The following BACH2 variants were observed in gnomAD, a reference collection of about 807,000 sequenced individuals.
The protein encoded by BACH2 is transcription regulator protein BACH2.
BACH2 carries 5 observed loss-of-function variants against 61.8 expected under a neutral mutation model. The observed-to-expected ratio is 0.08, with a 90% CI of 0.04 to 0.17. BACH2 has a LOEUF of 0.17. Ranked by LOEUF, BACH2 falls within the 10% of genes least tolerant of loss-of-function variation. BACH2 has a pLI of 1.00. For missense variants in BACH2, 824 were observed against 1,091.1 expected (o/e 0.76, Z 3.45); for synonymous variants, 446 against 440.1 (o/e 1.01, Z -0.17).
chr6:90,209,756 T>G (rs1359661802), intron 3 of BACH2, among the ~76,000 whole-genome samples: 1 of 152,308 alleles, frequency 6.6e-6, no homozygotes, highest in South Asian at 2.1e-4. Flanking sequence ...CTAAACTGAT[T>G]ACGGATCCCT....
rs181228346 is a variant in BACH2 at position 89,939,406 on chromosome 6, A to G, written c.1837-1056T>C. 1.3e-3 allele frequency among the ~76,000 whole-genome samples: 191 copies of G among 152,358 alleles called. 1 individual carries two copies. The highest frequency in any genetic ancestry group is 4.4e-3 in the African/African-American group (182 of 41,582). On this transcript the variant is annotated intron_variant, in intron 7 of 8. Transcript: ENST00000257749. ...GGCAACTCCTGAATTCCTGACTCAC[A>G]TTCACATTTCTCATAGAAACTGTAA...
chr6:90,234,088 C>G (rs983970367), intron 3 of BACH2, among the ~76,000 whole-genome samples: 2 of 152,184 alleles, frequency 1.3e-5, no homozygotes, highest in African/African-American at 2.4e-5. Context: ...ATCAGCAACA[C>G]TGAGGCCAGC....
chr6:90,208,325 C>T (rs1363058809), intron 3 of BACH2, among the ~76,000 whole-genome samples: 2 of 152,048 alleles, frequency 1.3e-5, no homozygotes, highest in African/African-American at 2.4e-5. Context: ...GGGCTAATAC[C>T]CAGAATCTAC....
intron 4 of BACH2, among the ~76,000 whole-genome samples, chr6:90,137,090 G>C (rs574304863): frequency 6.6e-6 from 1 of 152,256 alleles, no homozygotes; most frequent in African/African-American, 2.4e-5. Context: ...AGTGAAGCCA[G>C]GAAGAGAACA....
In BACH2 at chr6:89,952,165, G is replaced by A. The variant is rs537234294; in HGVS notation, c.244-303C>T. The A allele has an allele frequency of 2.6e-4, 93 of 362,136 alleles. 1 individual carries two copies. The Middle Eastern group carries it at 5.2e-3, about 20-fold the overall frequency. 22.4% of individuals were successfully genotyped at this position (362,136 alleles called of 1,614,324 possible). On this transcript the variant is annotated intron_variant, in intron 6 of 8. Coordinates refer to ENST00000257749, the MANE Select transcript of BACH2 (RefSeq NM_021813.4). ...ACTAATGAAATATCCTGGCAAAAAT[G>A]CACGGTGACAATGGGGAGCCTATTA... is the stretch of plus-strand genomic sequence containing the variant.
intron 6 of BACH2, among the ~76,000 whole-genome samples, chr6:89,995,511 C>T (rs1776797317): frequency 6.6e-6 from 1 of 152,176 alleles, no homozygotes; most frequent in African/African-American, 2.4e-5. Flanking sequence ...GCCCGGGTTA[C>T]TGTGAAGACA....
intron 4 of BACH2, among the ~76,000 whole-genome samples, chr6:90,127,443 T>A (rs1011776502): frequency 6.6e-6 from 1 of 152,090 alleles, no homozygotes; most frequent in African/African-American, 2.4e-5. Flanking sequence ...GGGTGGGAAG[T>A]GGGGTAGAGC....
At chr6:89,972,284 G>A (rs908979273) in intron 6 of BACH2, among the ~76,000 whole-genome samples, 4 of 152,166 alleles carry the variant, frequency 2.6e-5, no homozygotes, top group African/African-American at 7.2e-5. Flanking sequence ...CCAGACGGGC[G>A]GCAAGCCAGT....
At chr6:89,992,500 C>A (rs189641216) in intron 6 of BACH2, among the ~76,000 whole-genome samples, 37 of 152,124 alleles carry the variant, frequency 2.4e-4, no homozygotes, top group African/African-American at 8.9e-4. Context: ...ATTAGCTGGG[C>A]GTGGTGGCAC....
At chr6:90,239,153 T>C (rs1023898263) in intron 3 of BACH2, among the ~76,000 whole-genome samples, 1 of 152,170 alleles carries the variant, frequency 6.6e-6, no homozygotes, top group Non-Finnish European at 1.5e-5. Flanking sequence ...CAACCCCATA[T>C]GTATGTGGTG....
At chr6:90,014,458 ATATATATATATTTTTT>A (rs1428999653) in intron 5 of BACH2, among the ~76,000 whole-genome samples, 45 of 67,580 alleles carry the variant, frequency 6.7e-4, no homozygotes, top group East Asian at 6.4e-3. Context: ...ATATATATAT[ATATATATATATTTTTT>A]TTTTTTTTTT....
At chr6:90,212,481 C>T (rs185794993) in intron 3 of BACH2, among the ~76,000 whole-genome samples, 7 of 152,276 alleles carry the variant, frequency 4.6e-5, no homozygotes, top group Admixed American at 3.9e-4. Context: ...AGTGTCCTCG[C>T]CACCCCACAT....
chr6:90,076,559 T>C (rs1256742072), intron 5 of BACH2, among the ~76,000 whole-genome samples: 1 of 152,192 alleles, frequency 6.6e-6, no homozygotes, highest in African/African-American at 2.4e-5. Flanking sequence ...CTGAAGCTAG[T>C]TGTACTGTAA....
intron 4 of BACH2, among the ~76,000 whole-genome samples, chr6:90,091,215 T>G (rs903608122): frequency 7.9e-5 from 12 of 152,210 alleles, no homozygotes; most frequent in African/African-American, 2.9e-4. Context: ...CACTCTTTGG[T>G]CAGTACCATC....
At position 89,926,654 on chromosome 6, in the gene BACH2, A is replaced by G. The variant is rs1772375717; in HGVS notation, c.*5754T>C. The stretch of plus-strand genomic sequence containing the variant: ...TTTGCACAATAGTGTATTTACAATG[A>G]GTAAATGAAGTTTCAATTCATTAGT... On this transcript the variant is annotated 3_prime_UTR_variant, in exon 9 of 9. Coordinates refer to ENST00000257749, the MANE Select transcript of BACH2 (RefSeq NM_021813.4). 1 of 152,770 alleles carries G rather than the reference A, an allele frequency of 6.5e-6. No individual in the cohort carries two copies. Among genetic ancestry groups the G allele is most frequent in the Non-Finnish European group, 1.5e-5 (1 of 68,046 alleles). 9.5% of individuals were successfully genotyped at this position (152,770 alleles called of 1,614,324 possible). A position where few individuals can be genotyped will look rare whatever the true frequency, so the allele number is the denominator to read the frequency against.
At chr6:89,965,011 AG>A (rs1774970765) in intron 6 of BACH2, among the ~76,000 whole-genome samples, 1 of 152,102 alleles carries the variant, frequency 6.6e-6, no homozygotes, top group Non-Finnish European at 1.5e-5. Context: ...CAACCTCCCA[AG>A]TAGCTGGGAT....
At chr6:90,295,013 A>G (rs2127895719) in intron 1 of BACH2, among the ~76,000 whole-genome samples, 1 of 152,354 alleles carries the variant, frequency 6.6e-6, no homozygotes, top group Admixed American at 6.5e-5. Context: ...AAATACACTC[A>G]ACAGATGAAA....
rs527688335 is a variant in BACH2 at position 90,136,454 on chromosome 6, T to C, written c.-161-47345A>G. ...TGCCACACTGGCAAAATGGGACTGA[T>C]AATTATTACCTCATATGTTTATTTT... On this transcript the variant is annotated intron_variant, in intron 4 of 8. Transcript: ENST00000257749. Among the ~76,000 whole-genome samples, 6 of 152,332 alleles carry C rather than the reference T, an allele frequency of 3.9e-5. No individual in the cohort carries two copies. In the South Asian group the frequency reaches 1.2e-3, roughly 32 times the overall value.
intron 5 of BACH2, among the ~76,000 whole-genome samples, chr6:90,045,288 G>C (rs372776932): frequency 6.6e-5 from 10 of 152,324 alleles, no homozygotes; most frequent in African/African-American, 2.4e-4. Flanking sequence ...CCACTGCTTG[G>C]CTTGTGTGCA....
Sources: gnomAD v4.1 joint callset for allele counts (sites outside exome capture counted in the v4.1 genomes callset) on GRCh38, gnomAD v4.1.1 for gene constraint, MANE v1.5 for transcripts, NCBI Gene and HGNC (gene_info 2026-07-23, HGNC 2026-07-21) for gene names.